Variants in KSR1 observed in about 807,000 individuals in gnomAD.
The protein encoded by KSR1 is kinase suppressor of ras 1.
KSR1 carries 35 observed loss-of-function variants against 92.9 expected under a neutral mutation model. The observed-to-expected ratio is 0.38, with a 90% confidence interval of 0.29 to 0.50. KSR1 has a LOEUF of 0.50. Among genes scored for constraint, KSR1 ranks in the 20% least tolerant of loss-of-function variants. The pLI, the probability that KSR1 is intolerant of heterozygous loss-of-function variation, is 0.94. For synonymous variants in KSR1, 467 were observed against 472.6 expected (o/e 0.99, Z 0.15); for missense variants, 972 against 1,158.5 (o/e 0.84, Z 2.34).
chr17:27,460,877 G>A (rs2019400794), intron 1 of KSR1, among the ~76,000 whole-genome samples: 1 of 152,162 alleles, frequency 6.6e-6, no homozygotes, highest in South Asian at 2.1e-4. Context: ...TACCTGGCTG[G>A]CAGCCACCTA....
intron 12 of KSR1, 129 bp from the exon 13 acceptor site, chr17:27,604,551 G>A (rs565157801): frequency 1.0e-5 from 9 of 865,828 alleles, no homozygotes; most frequent in African/African-American, 1.6e-5. Context: ...CTATCCACGC[G>A]GCCTTTCCCC....
At chr17:27,619,915 T>C (rs979673815) in intron 19 of KSR1, among the ~76,000 whole-genome samples, 2 of 152,212 alleles carry the variant, frequency 1.3e-5, no homozygotes, top group African/African-American at 4.8e-5. Context: ...GGTTTCATCA[T>C]GTTGGCCAGG....
In KSR1 at chr17:27,568,012, G is replaced by A. The variant is rs190541578; in HGVS notation, c.373-9480G>A. Among the ~76,000 whole-genome samples the A allele has an allele frequency of 3.3e-5, 5 of 152,298 alleles. No individual in the cohort carries two copies. The East Asian group carries it at 9.7e-4, about 29-fold the overall frequency. On this transcript the variant is annotated intron_variant, in intron 2 of 20. Coordinates refer to ENST00000644974, the MANE Select transcript of KSR1 (RefSeq NM_001394583.1). ...CCTAGAGCCTGGTAGCTGTGGCATT[G>A]GTCTCCCCAGCTTCTCCTCGGCCAT...
intron 10 of KSR1, 122 bp from the exon 11 acceptor site, chr17:27,601,238 G>T: frequency 2.5e-6 from 2 of 803,370 alleles, no homozygotes; most frequent in South Asian, 1.7e-5. Flanking sequence ...AGGTCCATCT[G>T]GGGTAGGGCT....
At chr17:27,461,158 T>C (rs528549746) in intron 1 of KSR1, among the ~76,000 whole-genome samples, 7 of 152,318 alleles carry the variant, frequency 4.6e-5, no homozygotes, top group Admixed American at 4.6e-4. Flanking sequence ...CTCGGATCAC[T>C]GCAATCTCAG....
intron 5 of KSR1, 141 bp downstream of exon 5, chr17:27,585,802 A>G (rs2945373): frequency 0.74 from 521,208 of 701,378 alleles, 194,535 homozygotes; most frequent in African/African-American, 0.85. Flanking sequence ...GCTGGTGACC[A>G]CCTCAGGAAA....
At chr17:27,486,520 G>A (rs985716494) in intron 1 of KSR1, among the ~76,000 whole-genome samples, 1 of 152,322 alleles carries the variant, frequency 6.6e-6, no homozygotes, top group South Asian at 2.1e-4. Context: ...GGCTGACAAT[G>A]CCTGGAGAAT....
chr17:27,530,113 C>G (rs375752728), intron 1 of KSR1, among the ~76,000 whole-genome samples: 1 of 152,214 alleles, frequency 6.6e-6, no homozygotes, highest in Non-Finnish European at 1.5e-5. Flanking sequence ...TGAAATTGCT[C>G]TCTTCCTTTC....
chr17:27,606,776 A>AAC (rs1441747798), intron 14 of KSR1, among the ~76,000 whole-genome samples: 1 of 151,566 alleles, frequency 6.6e-6, no homozygotes, highest in Non-Finnish European at 1.5e-5. Flanking sequence ...TTATTTACAG[A>AAC]ACAAGACTCC....
intron 1 of KSR1, among the ~76,000 whole-genome samples, chr17:27,486,187 T>G (rs1003294298): frequency 6.6e-6 from 1 of 152,276 alleles, no homozygotes; most frequent in Non-Finnish European, 1.5e-5. Flanking sequence ...CCCCTGGCTC[T>G]GAGCATTTGT....
At chr17:27,478,906 G>A (rs888142234) in intron 1 of KSR1, among the ~76,000 whole-genome samples, 6 of 152,094 alleles carry the variant, frequency 3.9e-5, no homozygotes, top group African/African-American at 7.2e-5. Flanking sequence ...AGCATGTGGC[G>A]GGTGGACTTC....
rs1424949548 is a variant in KSR1 at position 27,511,032 on chromosome 17, G to A, written c.232-39536G>A. 2.6e-5 allele frequency among the ~76,000 whole-genome samples: 4 copies of A among 152,214 alleles called. No homozygotes were observed. The East Asian group carries it at 7.7e-4, about 29-fold the overall frequency. On this transcript the variant is annotated intron_variant, in intron 1 of 20. Coordinates refer to ENST00000644974, the MANE Select transcript of KSR1 (RefSeq NM_001394583.1). ...TCAGAAGGTGGGGATGAGCCTGCCTGTGCACACTGCACACAGCTCTTGGAA... is the reference window on the plus strand; with the variant it reads ...TCAGAAGGTGGGGATGAGCCTGCCTATGCACACTGCACACAGCTCTTGGAA...
intron 1 of KSR1, chr17:27,526,865 G>T: frequency 1.5e-6 from 1 of 676,136 alleles, no homozygotes; most frequent in Admixed American, 2.6e-5. Flanking sequence ...TCTGCAGGAA[G>T]TAGAGCTGCT....
At chr17:27,593,860 G>A (rs577924247) in intron 9 of KSR1, among the ~76,000 whole-genome samples, 5 of 152,344 alleles carry the variant, frequency 3.3e-5, no homozygotes, top group Admixed American at 1.3e-4. Context: ...TCGATGTCTT[G>A]GGAAGGTCCA....
At chr17:27,584,069 A>T (rs2072878270) in intron 4 of KSR1, 3 of 776,276 alleles carry the variant, frequency 3.9e-6, no homozygotes, top group Non-Finnish European at 3.1e-6. Flanking sequence ...TGTTACAAAG[A>T]TTGCCCTTGT....
At chr17:27,603,798 A>C in intron 11 of KSR1, 36 bp from the exon 12 acceptor site, 2 of 1,607,244 alleles carry the variant, frequency 1.2e-6, no homozygotes, top group Non-Finnish European at 8.5e-7. Context: ...GAGGAAAGCA[A>C]TCTCATGCTT....
Position 27,556,512 on chromosome 17 carries a change from G to A in KSR1, c.372+5804G>A, listed in dbSNP as rs996855038. Among the ~76,000 whole-genome samples, 9 of 152,174 alleles carry A rather than the reference G, an allele frequency of 5.9e-5. No homozygotes were observed. In the South Asian group the frequency reaches 1.2e-3, roughly 21 times the overall value. ...CCTGGAATTACAGACATGAGCCACCGTGCCTGGCCTGCTCAACTTTTTAAT... is the reference window on the plus strand; with the variant it reads ...CCTGGAATTACAGACATGAGCCACCATGCCTGGCCTGCTCAACTTTTTAAT... On this transcript the variant is annotated intron_variant, in intron 2 of 20. Coordinates refer to ENST00000644974, the MANE Select transcript of KSR1 (RefSeq NM_001394583.1).
intron 15 of KSR1, among the ~76,000 whole-genome samples, chr17:27,608,780 C>A (rs1015637917): frequency 2.6e-5 from 4 of 152,188 alleles, no homozygotes; most frequent in Admixed American, 2.6e-4. Flanking sequence ...AGCCCTTGTC[C>A]TGCCTGAGAG....
chr17:27,562,071 C>G (rs1005677043), intron 2 of KSR1, among the ~76,000 whole-genome samples: 4 of 152,144 alleles, frequency 2.6e-5, no homozygotes, highest in African/African-American at 9.7e-5. Flanking sequence ...GTCTTGAACT[C>G]TAGTCCTCAA....
Sources: gnomAD v4.1 joint callset for allele counts (sites outside exome capture counted in the v4.1 genomes callset) on GRCh38, gnomAD v4.1.1 for gene constraint, MANE v1.5 for transcripts, NCBI Gene and HGNC (gene_info 2026-07-23, HGNC 2026-07-21) for gene names.